Variants in KIAA1217 observed in about 807,000 individuals in gnomAD.
KIAA1217 encodes sickle tail protein homolog.
In KIAA1217, 88 loss-of-function variants were observed where a neutral mutation model predicts 163.9. That is an observed-to-expected ratio of 0.54 (90% CI 0.45 to 0.64). KIAA1217 has a LOEUF of 0.64. KIAA1217 is among the 30% of genes least tolerant of loss of function. The probability of loss-of-function intolerance (pLI) is 0.00; values close to 1 mark genes in which losing one functional copy is unlikely to be tolerated. For missense variants in KIAA1217, 2,372 were observed against 2,475.0 expected, an observed-to-expected ratio of 0.96 and a Z score of 0.88; for synonymous variants, 903 against 923.1, an observed-to-expected ratio of 0.98 and a Z score of 0.39.
At chr10:23,906,251 G>A (rs983522310) in intron 1 of KIAA1217, among the ~76,000 whole-genome samples, 1 of 143,282 alleles carries the variant, frequency 7.0e-6, no homozygotes, top group African/African-American at 2.6e-5. Context: ...CAAACCATAG[G>A]AAGCACACAC....
At chr10:23,849,183 T>C (rs1176158666) in intron 1 of KIAA1217, among the ~76,000 whole-genome samples, 1 of 152,136 alleles carries the variant, frequency 6.6e-6, no homozygotes, top group African/African-American at 2.4e-5. Flanking sequence ...ATTTTGCTAT[T>C]ATTTATAACA....
intron 2 of KIAA1217, among the ~76,000 whole-genome samples, chr10:24,013,706 T>C (rs73604445): frequency 0.01 from 1,573 of 152,240 alleles, 32 homozygotes; most frequent in African/African-American, 0.036. Context: ...AGGAGTTACA[T>C]AGACTGGATG....
At chr10:24,310,440 A>G (rs1362793569) in intron 2 of KIAA1217, among the ~76,000 whole-genome samples, 2 of 152,246 alleles carry the variant, frequency 1.3e-5, no homozygotes, top group African/African-American at 2.4e-5. Flanking sequence ...AACAAAGATG[A>G]GTTGAAAATG....
In KIAA1217 at chr10:24,393,725, G is replaced by A. The variant is rs564239055; in HGVS notation, c.553+12658G>A. ...AAGAAGAACAGATTTGGATATAGAC[G>A]TGTACAGAGAGAAGACCATGTGAAG... On this transcript the variant is annotated intron_variant, in intron 3 of 20. Transcript: ENST00000376454. 3.3e-5 allele frequency among the ~76,000 whole-genome samples: 5 copies of A among 152,314 alleles called. No individual in the cohort carries two copies. In the South Asian group the frequency reaches 8.3e-4, roughly 25 times the overall value.
At chr10:24,289,051 C>T (rs552891567) in intron 2 of KIAA1217, among the ~76,000 whole-genome samples, 54 of 152,264 alleles carry the variant, frequency 3.5e-4, no homozygotes, top group African/African-American at 1.2e-3. Flanking sequence ...TTACTTTTTA[C>T]GCTTTTTTCT....
At chr10:24,529,319 A>G (rs1211807050) in intron 14 of KIAA1217, among the ~76,000 whole-genome samples, 1 of 152,174 alleles carries the variant, frequency 6.6e-6, no homozygotes, top group Non-Finnish European at 1.5e-5. Context: ...TTTACGGGCC[A>G]GAACACTTCA....
At chr10:24,075,535 A>G (rs955910357) in intron 2 of KIAA1217, among the ~76,000 whole-genome samples, 5 of 151,526 alleles carry the variant, frequency 3.3e-5, no homozygotes, top group African/African-American at 2.4e-5. Flanking sequence ...TTATGTTTAT[A>G]TCGTCCCTTC....
At chr10:23,725,642 A>G (rs1838092711) in intron 1 of KIAA1217, among the ~76,000 whole-genome samples, 1 of 152,240 alleles carries the variant, frequency 6.6e-6, no homozygotes, top group Non-Finnish European at 1.5e-5. Flanking sequence ...GCTGTAGTTA[A>G]TGGAATAATT....
At chr10:24,278,693 A>G (rs1237396258) in intron 2 of KIAA1217, among the ~76,000 whole-genome samples, 3 of 152,168 alleles carry the variant, frequency 2.0e-5, no homozygotes, top group Non-Finnish European at 4.4e-5. Context: ...GGGGACTGCA[A>G]ATAAAGTGGG....
chr10:23,757,098 A>G (rs1212819117), intron 1 of KIAA1217, among the ~76,000 whole-genome samples: 1 of 83,228 alleles, frequency 1.2e-5, no homozygotes, highest in Non-Finnish European at 2.8e-5. Flanking sequence ...TGTGTAGATC[A>G]CATTTTGTTT....
At chr10:24,051,570 A>C (rs1849513082) in intron 2 of KIAA1217, among the ~76,000 whole-genome samples, 1 of 152,122 alleles carries the variant, frequency 6.6e-6, no homozygotes, top group Non-Finnish European at 1.5e-5. Flanking sequence ...TTACATTCTC[A>C]CCAGCAGTGT....
At chr10:23,806,614 C>T (rs935744513) in intron 1 of KIAA1217, among the ~76,000 whole-genome samples, 1 of 152,106 alleles carries the variant, frequency 6.6e-6, no homozygotes, top group Non-Finnish European at 1.5e-5. Context: ...TTTCATATTC[C>T]ATTACTTTCC....
At chr10:24,184,470 A>G (rs1190751148) in intron 2 of KIAA1217, among the ~76,000 whole-genome samples, 1 of 152,226 alleles carries the variant, frequency 6.6e-6, no homozygotes, top group Non-Finnish European at 1.5e-5. Context: ...TGAAAGCCCA[A>G]AACTTTTCCT....
chr10:23,763,865 C>T (rs1277546452), intron 1 of KIAA1217, among the ~76,000 whole-genome samples: 1 of 152,000 alleles, frequency 6.6e-6, no homozygotes, highest in Admixed American at 6.6e-5. Flanking sequence ...TCCAAAAAAA[C>T]CCACTAAAAT....
At chr10:24,383,514 A>G (rs891827110) in intron 3 of KIAA1217, among the ~76,000 whole-genome samples, 1 of 152,170 alleles carries the variant, frequency 6.6e-6, no homozygotes. Flanking sequence ...CGGGGTGGCC[A>G]CGCTTCTGCA....
intron 2 of KIAA1217, among the ~76,000 whole-genome samples, chr10:24,340,893 T>C (rs1020244436): frequency 2.6e-4 from 40 of 152,194 alleles, no homozygotes; most frequent in South Asian, 4.1e-4. Context: ...TTTGATCCAG[T>C]TTTCTAGTGG....
At chr10:23,818,203 TA>T (rs1440165926) in intron 1 of KIAA1217, among the ~76,000 whole-genome samples, 65 of 143,904 alleles carry the variant, frequency 4.5e-4, no homozygotes, top group Admixed American at 2.3e-3. Flanking sequence ...AGGTAAGACA[TA>T]TTTTTTTTGC....
At chr10:24,167,268 G>T (rs2065397322) in intron 2 of KIAA1217, among the ~76,000 whole-genome samples, 1 of 125,168 alleles carries the variant, frequency 8.0e-6, no homozygotes, top group African/African-American at 3.1e-5. Flanking sequence ...TATTAGAAAG[G>T]TTTGGTGTGT....
intron 1 of KIAA1217, among the ~76,000 whole-genome samples, chr10:23,702,192 G>T (rs530649376): frequency 2.0e-5 from 3 of 151,842 alleles, no homozygotes; most frequent in Admixed American, 6.5e-5. Flanking sequence ...AACTGTAAAA[G>T]AGATGCAGAC....
Sources: gnomAD v4.1 joint callset for allele counts (sites outside exome capture counted in the v4.1 genomes callset) on GRCh38, gnomAD v4.1.1 for gene constraint, MANE v1.5 for transcripts, NCBI Gene and HGNC (gene_info 2026-07-23, HGNC 2026-07-21) for gene names.